GLIS1: variants seen among roughly 807,000 people sequenced by gnomAD.
GLIS1 encodes the protein zinc finger protein GLIS1.
A neutral mutation model predicts 63.8 loss-of-function variants in GLIS1; 24 were observed. That is an observed-to-expected ratio of 0.38 (90% CI 0.27 to 0.53). GLIS1 has a LOEUF of 0.53. Among genes scored for constraint, GLIS1 ranks in the 20% least tolerant of loss-of-function variants. The probability of loss-of-function intolerance (pLI) is 0.85; values close to 1 mark genes in which losing one functional copy is unlikely to be tolerated. For synonymous variants in GLIS1, 450 were observed against 482.5 expected, an observed-to-expected ratio of 0.93 and a Z score of 0.88; for missense variants, 1,036 against 1,074.1, an observed-to-expected ratio of 0.96 and a Z score of 0.50.
chr1:53,658,052 C>T (rs1158661101), intron 2 of GLIS1, among the ~76,000 whole-genome samples: 2 of 152,148 alleles, frequency 1.3e-5, no homozygotes, highest in Non-Finnish European at 2.9e-5. Flanking sequence ...AGCCACCGCA[C>T]CCACCACTCC....
chr1:53,716,985 T>C (rs1048594436), intron 2 of GLIS1, among the ~76,000 whole-genome samples: 9 of 151,798 alleles, frequency 5.9e-5, no homozygotes, highest in African/African-American at 1.7e-4. Flanking sequence ...TCTAGAAAAA[T>C]TGATGGGGTA....
At chr1:53,694,394 T>G (rs1646442406) in intron 2 of GLIS1, among the ~76,000 whole-genome samples, 1 of 152,212 alleles carries the variant, frequency 6.6e-6, no homozygotes, top group African/African-American at 2.4e-5. Context: ...CCTCACTCCC[T>G]TTCTGCGAGC....
At chr1:53,523,240 T>G (rs1219650928) in intron 6 of GLIS1, among the ~76,000 whole-genome samples, 1 of 152,116 alleles carries the variant, frequency 6.6e-6, no homozygotes, top group Non-Finnish European at 1.5e-5. Context: ...AGAAAGCTCA[T>G]GGCGCAGGAT....
In GLIS1 at chr1:53,506,643, G is replaced by C; in HGVS notation, c.2364C>G (p.Ile788Met). The C allele has an allele frequency of 6.2e-7, 1 of 1,609,964 alleles. No individual in the cohort carries two copies. Among genetic ancestry groups the C allele is most frequent in the Non-Finnish European group, 8.5e-7 (1 of 1,178,482 alleles). Residue 788 changes from isoleucine (I) to methionine (M), a missense_variant, in exon 11 of 11, where the codon ATC becomes ATG. By Grantham distance (10) the Ile-to-Met change is conservative. Transcript: ENST00000628545. ...NGAFDHCLGH[I>M]PSIYTDT ...TTCAGGTGTCTGTGTAGATGGAGGG[G>C]ATGTGGCCCAGGCAGTGGTCAAAGG...
At chr1:53,524,950 C>T (rs1314317009) in intron 5 of GLIS1, 63 bp from the exon 6 acceptor site, 15 of 1,248,322 alleles carry the variant, frequency 1.2e-5, no homozygotes, top group South Asian at 2.5e-5. Context: ...CGCGCCTCCG[C>T]GTGACCTGCT....
intron 2 of GLIS1, among the ~76,000 whole-genome samples, chr1:53,735,852 C>T (rs1646907339): frequency 6.6e-6 from 1 of 152,072 alleles, no homozygotes; most frequent in South Asian, 2.1e-4. Flanking sequence ...GGGTTTGTCT[C>T]GGGCCACTTG....
chr1:53,537,699 G>C (rs201696597), intron 4 of GLIS1, among the ~76,000 whole-genome samples: 1 of 152,194 alleles, frequency 6.6e-6, no homozygotes, highest in Non-Finnish European at 1.5e-5. Context: ...AAGGAGGCAG[G>C]GTTCAGTTTC....
At chr1:53,625,347 TC>T (rs1406126204) in intron 2 of GLIS1, among the ~76,000 whole-genome samples, 1 of 152,166 alleles carries the variant, frequency 6.6e-6, no homozygotes, top group African/African-American at 2.4e-5. Context: ...GTATTGCGGA[TC>T]TGGGACCAGG....
chr1:53,551,911 T>C (rs1229439410), intron 4 of GLIS1, among the ~76,000 whole-genome samples: 1 of 151,934 alleles, frequency 6.6e-6, no homozygotes, highest in African/African-American at 2.4e-5. Flanking sequence ...CACTTCGACA[T>C]ACATGTACCT....
At chr1:53,636,343 C>T (rs1645721409) in intron 2 of GLIS1, among the ~76,000 whole-genome samples, 1 of 152,008 alleles carries the variant, frequency 6.6e-6, no homozygotes, top group Non-Finnish European at 1.5e-5. Flanking sequence ...TAAAAGAAGA[C>T]CCTATGATCA....
chr1:53,508,153 G>A (rs1048854856), intron 10 of GLIS1, among the ~76,000 whole-genome samples: 1 of 86,162 alleles, frequency 1.2e-5, no homozygotes, highest in East Asian at 2.6e-4. Context: ...CATACACCTG[G>A]GGTAATACAT....
At chr1:53,522,259 G>A (rs1195883864) in intron 6 of GLIS1, among the ~76,000 whole-genome samples, 3 of 152,364 alleles carry the variant, frequency 2.0e-5, no homozygotes, top group East Asian at 1.9e-4. Flanking sequence ...TACAAGGGTC[G>A]CTTTACCCAG....
At chr1:53,721,694 A>G (rs1019165138) in intron 2 of GLIS1, among the ~76,000 whole-genome samples, 6 of 152,238 alleles carry the variant, frequency 3.9e-5, no homozygotes, top group Non-Finnish European at 8.8e-5. Flanking sequence ...TTATTTTGCT[A>G]AAAATAAAAG....
chr1:53,558,006 G>A (rs1243451869), intron 4 of GLIS1, among the ~76,000 whole-genome samples: 1 of 152,186 alleles, frequency 6.6e-6, no homozygotes, highest in Non-Finnish European at 1.5e-5. Context: ...CAGGATGGTG[G>A]AGTCACTAAT....
intron 8 of GLIS1, among the ~76,000 whole-genome samples, chr1:53,513,937 C>T (rs766087158): frequency 1.3e-5 from 2 of 152,176 alleles, no homozygotes; most frequent in Non-Finnish European, 2.9e-5. Context: ...ACAAGGTGAT[C>T]AGCAAAAAAC....
At chr1:53,648,528 G>A (rs57881884) in intron 2 of GLIS1, among the ~76,000 whole-genome samples, 3,214 of 152,238 alleles carry the variant, frequency 0.021, 108 homozygotes, top group African/African-American at 0.072. Context: ...AGAAGTACAC[G>A]TATATGCACA....
At chr1:53,508,689 A>G (rs1644263020) in intron 10 of GLIS1, among the ~76,000 whole-genome samples, 1 of 152,152 alleles carries the variant, frequency 6.6e-6, no homozygotes, top group Admixed American at 6.5e-5. Flanking sequence ...TGGGGAAGGA[A>G]CAGCATGACC....
intron 6 of GLIS1, among the ~76,000 whole-genome samples, chr1:53,521,548 T>C (rs915056242): frequency 5.9e-5 from 9 of 152,108 alleles, no homozygotes; most frequent in Middle Eastern, 3.4e-3. Flanking sequence ...CAGGCTGCCA[T>C]GAGGAGTAAT....
chr1:53,549,264 T>C (rs891490962), intron 4 of GLIS1, among the ~76,000 whole-genome samples: 8 of 152,368 alleles, frequency 5.3e-5, no homozygotes, highest in African/African-American at 1.9e-4. Flanking sequence ...AGCTTTTCTG[T>C]GGACATTTGT....
Sources: allele counts gnomAD v4.1 joint callset (sites outside exome capture counted in the v4.1 genomes callset), GRCh38; gene constraint gnomAD v4.1.1; transcripts MANE v1.5; gene names NCBI Gene and HGNC (gene_info 2026-07-23, HGNC 2026-07-21).